The following OTOF variants were observed in gnomAD, a reference collection of about 807,000 sequenced individuals.
OTOF encodes the protein otoferlin.
In OTOF, 218 loss-of-function variants were observed where a neutral mutation model predicts 236.8. The observed-to-expected ratio is 0.92, with a 90% CI of 0.82 to 1.03. The LOEUF (loss-of-function observed/expected upper bound fraction) is 1.03. Ranked by LOEUF, OTOF falls within the 50% of genes least tolerant of loss-of-function variation. The probability of loss-of-function intolerance (pLI) is 0.00; values close to 1 mark genes in which losing one functional copy is unlikely to be tolerated. For missense variants in OTOF, 2,590 were observed against 2,694.4 expected (o/e 0.96, Z 0.86); for synonymous variants, 1,041 against 1,072.5 (o/e 0.97, Z 0.57).
At chr2:26,531,110 T>G (rs1357476184) in intron 2 of OTOF, among the ~76,000 whole-genome samples, 1 of 152,212 alleles carries the variant, frequency 6.6e-6, no homozygotes, top group Non-Finnish European at 1.5e-5. Context: ...AGAGGCCCCC[T>G]TGCTGTGCCC....
At chr2:26,476,403 G>C (rs1665271766) in intron 22 of OTOF, 86 bp from the exon 23 acceptor site, 7 of 1,294,718 alleles carry the variant, frequency 5.4e-6, no homozygotes, top group Non-Finnish European at 7.6e-6. Context: ...CAGAGGCCCT[G>C]GTCAGAGCTG....
chr2:26,513,284 C>T (rs1666434412), intron 5 of OTOF, among the ~76,000 whole-genome samples: 1 of 152,158 alleles, frequency 6.6e-6, no homozygotes, highest in South Asian at 2.1e-4. Context: ...AACCATCTGA[C>T]CCCCAGAGTG....
chr2:26,516,587 C>A lies in OTOF; in HGVS notation c.340G>T (p.Val114Leu), dbSNP rs376117319. The change falls in exon 5 of 47, where the codon GTG becomes TTG. Residue 114 changes from valine to leucine, a missense_variant. Physicochemically the swap from Val to Leu is conservative, Grantham distance 32. Around this residue, in one of 2 missense-constraint regions of OTOF, gnomAD observed 1,379 missense variants for 1,341.6 expected, o/e 1.03. Coordinates refer to ENST00000272371, the MANE Select transcript of OTOF (RefSeq NM_194248.3). Reference protein sequence around the residue: ...NNAIIKTSLCVEVRYQATDGT... With the variant: ...NNAIIKTSLCLEVRYQATDGT... ...TCAGTGGCCTGATACCGGACCTCCA[C>A]GCACAGGCTGGTCTGAAGGGAGGGA... 1 of 1,606,604 alleles carries A rather than the reference C, an allele frequency of 6.2e-7. No individual in the cohort carries two copies. The highest frequency in any genetic ancestry group is 1.1e-5 in the South Asian group (1 of 91,080).
At chr2:26,504,352 G>A (rs1666196797) in intron 5 of OTOF, among the ~76,000 whole-genome samples, 1 of 152,200 alleles carries the variant, frequency 6.6e-6, no homozygotes, top group Non-Finnish European at 1.5e-5. Flanking sequence ...TGAGGAGATG[G>A]GAGATGTGGT....
At chr2:26,486,113 G>A (rs1665693009) in intron 11 of OTOF, among the ~76,000 whole-genome samples, 1 of 152,106 alleles carries the variant, frequency 6.6e-6, no homozygotes, top group African/African-American at 2.4e-5. Context: ...TGGATAGAAG[G>A]AGCCATTAAT....
At chr2:26,459,146 C>G (rs548673709) in intron 46 of OTOF, among the ~76,000 whole-genome samples, 2 of 152,224 alleles carry the variant, frequency 1.3e-5, no homozygotes, top group Non-Finnish European at 2.9e-5. Context: ...AACAACAGCC[C>G]TGGACTGGGA....
At chr2:26,540,409 C>T (rs1404612892) in intron 1 of OTOF, among the ~76,000 whole-genome samples, 2 of 152,188 alleles carry the variant, frequency 1.3e-5, no homozygotes, top group African/African-American at 2.4e-5. Context: ...CGGGCTAGAG[C>T]GGCGTCAGGC....
At chr2:26,500,788 A>T (rs1286114487) in intron 8 of OTOF, among the ~76,000 whole-genome samples, 2 of 152,130 alleles carry the variant, frequency 1.3e-5, no homozygotes, top group African/African-American at 4.8e-5. Context: ...TTCCATCATC[A>T]CCTGAGTGAG....
chr2:26,468,342 T>C, intron 33 of OTOF, 66 bp downstream of exon 33: 2 of 1,160,364 alleles, frequency 1.7e-6, no homozygotes, highest in South Asian at 1.2e-5. Context: ...GGTGATGAGG[T>C]GGGCAGGAGA....
In OTOF at chr2:26,458,147, T is replaced by C. The variant is rs559204144; in HGVS notation, c.*91A>G. 1 of 1,614,106 alleles carries C rather than the reference T, an allele frequency of 6.2e-7. No homozygotes were observed. Among genetic ancestry groups the C allele is most frequent in the African/African-American group, 1.3e-5 (1 of 75,044 alleles). ...AGCACGATCTTGATGATGAGCCACT[T>C]GTACCGGGTGCAGATGAGGTACTTG... On this transcript the variant is annotated 3_prime_UTR_variant, in exon 47 of 47. Transcript: ENST00000272371.
Position 26,474,600 on chromosome 2 carries a change from G to C in OTOF, c.3201C>G (p.Pro1067=), listed in dbSNP as rs1337937961. 6.2e-7 allele frequency: 1 copy of C among 1,613,254 alleles called. No homozygotes were observed. Among genetic ancestry groups the C allele is most frequent in the Non-Finnish European group, 8.5e-7 (1 of 1,179,978 alleles). Residue 1067 remains proline (P), a synonymous_variant, in exon 26 of 47, where the codon CCC becomes CCG. Transcript: ENST00000272371. ...AGTACTCGAGCTGAGGTGGGAAGCG[G>C]GGTGGGCAGTACGCCTCGTCTGCCA... The part of the protein sequence containing the change: ...VKMADEAYCP[P]RFPPQLEYYQ...
At chr2:26,500,294 A>G (rs749530690) in intron 8 of OTOF, among the ~76,000 whole-genome samples, 2 of 152,220 alleles carry the variant, frequency 1.3e-5, no homozygotes, top group Admixed American at 6.5e-5. Flanking sequence ...ATTAACTTCA[A>G]TGGAAATACA....
rs371253935 is a variant in OTOF, at chr2:26,537,694, G to A, written c.138+22C>T. 3.2e-6 allele frequency: 5 copies of A among 1,542,172 alleles called. No homozygotes were observed. The East Asian group carries it at 7.3e-5, about 23-fold the overall frequency. ...CCCTCTGGGCTCAGGGCTGAGGGAG[G>A]GGGGAGTCTTGGGCCTCCTACCTCA... On this transcript the variant is annotated intron_variant, in intron 2 of 46. Coordinates refer to ENST00000272371, the MANE Select transcript of OTOF (RefSeq NM_194248.3).
intron 3 of OTOF, 121 bp downstream of exon 3, chr2:26,527,711 A>G (rs2148112776): frequency 2.5e-6 from 2 of 787,908 alleles, no homozygotes; most frequent in Non-Finnish European, 4.6e-6. Context: ...TTGAAGATCA[A>G]TCCAGGGCAG....
intron 25 of OTOF, among the ~76,000 whole-genome samples, chr2:26,475,022 C>A (rs1039540781): frequency 2.6e-5 from 4 of 152,082 alleles, no homozygotes; most frequent in Admixed American, 1.3e-4. Context: ...CGGAGGATGG[C>A]AAGGCTGTTA....
At chr2:26,487,799 T>C (rs1278364539) in intron 11 of OTOF, among the ~76,000 whole-genome samples, 1 of 152,240 alleles carries the variant, frequency 6.6e-6, no homozygotes, top group East Asian at 1.9e-4. Context: ...CGGCTATGCA[T>C]GCTTCCTGGA....
chr2:26,458,141 G>C lies in OTOF; in HGVS notation c.*97C>G. 6.2e-7 allele frequency: 1 copy of C among 1,614,140 alleles called. No homozygotes were observed. The highest frequency in any genetic ancestry group is 8.5e-7 in the Non-Finnish European group (1 of 1,179,978). ...AGCGCCAGCACGATCTTGATGATGA[G>C]CCACTTGTACCGGGTGCAGATGAGG... is the stretch of plus-strand genomic sequence containing the variant. On this transcript the variant is annotated 3_prime_UTR_variant, in exon 47 of 47. Transcript: ENST00000272371.
At position 26,470,501 on chromosome 2, in the gene OTOF, G is replaced by T; in HGVS notation, c.4023+92C>A. On this transcript the variant is annotated intron_variant, in intron 32 of 46. Transcript: ENST00000272371. The surrounding 1 kb of genome is among the most constrained non-coding windows in gnomAD (Gnocchi z 4.3). ...CCCAAACTCACATGAATGGAGTTGG[G>T]ATCCAGCTCTTGGGGGCCGTGGGAA... 7.9e-7 allele frequency: 1 copy of T among 1,266,536 alleles called. No homozygotes were observed. 78.5% of individuals were successfully genotyped at this position (1,266,536 alleles called of 1,614,324 possible).
chr2:26,546,350 A>G (rs1667332166), intron 1 of OTOF, among the ~76,000 whole-genome samples: 1 of 151,944 alleles, frequency 6.6e-6, no homozygotes, highest in Non-Finnish European at 1.5e-5. Context: ...AATCCCAGCT[A>G]CTCGGGAGGC....
Sources: gnomAD v4.1 joint callset for allele counts (sites outside exome capture counted in the v4.1 genomes callset) on GRCh38, gnomAD v4.1.1 for gene constraint, gnomAD v4.1.1 regional missense constraint, Gnocchi (gnomAD v3.1) non-coding constraint, MANE v1.5 for transcripts, NCBI Gene and HGNC (gene_info 2026-07-23, HGNC 2026-07-21) for gene names.